Variants in PCDHA2 observed in about 807,000 individuals in gnomAD.
The protein encoded by PCDHA2 is protocadherin alpha-2.
A neutral mutation model predicts 66.0 loss-of-function variants in PCDHA2; 58 were observed. The observed-to-expected ratio is 0.88, with a 90% CI of 0.71 to 1.09. The LOEUF (loss-of-function observed/expected upper bound fraction) is 1.09, where lower values mean the gene tolerates loss of function less well. Among genes scored for constraint, PCDHA2 ranks in the 50% least tolerant of loss-of-function variants. PCDHA2 has a pLI of 0.00. For synonymous variants in PCDHA2, 634 were observed against 554.0 expected (o/e 1.14, Z -2.03); for missense variants, 1,267 against 1,242.3 (o/e 1.02, Z -0.30).
intron 1 of PCDHA2, chr5:140,842,003 C>G: frequency 6.2e-7 from 1 of 1,613,776 alleles, no homozygotes; most frequent in Non-Finnish European, 8.5e-7. Flanking sequence ...CACTGTTCAG[C>G]TGCTGGTCAC....
intron 1 of PCDHA2, among the ~76,000 whole-genome samples, chr5:140,978,010 T>G (rs2096785841): frequency 6.6e-6 from 1 of 152,156 alleles, no homozygotes; most frequent in African/African-American, 2.4e-5. Flanking sequence ...TTTTTCACAG[T>G]GACATTTTTG....
Position 140,807,844 on chromosome 5 carries a change from A to T in PCDHA2, c.2388+10492A>T, listed in dbSNP as rs782535026. ...TGCTCACAGCCACTGATGGAGGCAAACCCGAGTTGACTGGCACCGTTCAGT... is the reference window on the plus strand; with the variant it reads ...TGCTCACAGCCACTGATGGAGGCAATCCCGAGTTGACTGGCACCGTTCAGT... On this transcript the variant is annotated intron_variant, in intron 1 of 3. Transcript: ENST00000526136. 1.5e-5 allele frequency: 24 copies of T among 1,614,148 alleles called. 1 individual carries two copies. In the African/African-American group the frequency reaches 3.1e-4, roughly 21 times the overall value.
intron 1 of PCDHA2, among the ~76,000 whole-genome samples, chr5:140,908,828 A>C (rs1490004627): frequency 6.6e-6 from 1 of 152,176 alleles, no homozygotes; most frequent in Non-Finnish European, 1.5e-5. Context: ...GTTACTCGAT[A>C]AATGGGCTGG....
At chr5:140,822,213 G>A in intron 1 of PCDHA2, 1 of 1,614,222 alleles carries the variant, frequency 6.2e-7, no homozygotes, top group Non-Finnish European at 8.5e-7. Context: ...AGTCAAGAAT[G>A]CCAGATTCGC....
chr5:140,802,931 C>T (rs1166121837), intron 1 of PCDHA2: 6 of 1,613,666 alleles, frequency 3.7e-6, no homozygotes, highest in Admixed American at 3.3e-5. Context: ...GCGCAGTGAG[C>T]GAGCTGGTGC....
In PCDHA2 at chr5:140,871,159, G is replaced by T. The variant is rs781816033; in HGVS notation, c.2388+73807G>T. Reference sequence around the variant, plus strand: ...CTCTTCCCGGACTTTGGCGGGCGCCGCGAGCCCAGAGGCTGCGCTGGTGGA... The same window carrying T: ...CTCTTCCCGGACTTTGGCGGGCGCCTCGAGCCCAGAGGCTGCGCTGGTGGA... On this transcript the variant is annotated intron_variant, in intron 1 of 3. Coordinates refer to ENST00000526136, the MANE Select transcript of PCDHA2 (RefSeq NM_018905.3). The T allele has an allele frequency of 1.6e-5, 26 of 1,613,450 alleles. No individual in the cohort carries two copies. The South Asian group carries it at 2.9e-4, about 18-fold the overall frequency.
intron 1 of PCDHA2, among the ~76,000 whole-genome samples, chr5:140,977,103 G>A (rs1159604551): frequency 6.6e-6 from 1 of 152,230 alleles, no homozygotes; most frequent in Non-Finnish European, 1.5e-5. Context: ...TTGGGGAAGT[G>A]AGATTGTATA....
chr5:140,823,483 G>T (rs782459189), intron 1 of PCDHA2: 3 of 1,613,434 alleles, frequency 1.9e-6, no homozygotes, highest in Non-Finnish European at 1.7e-6. Context: ...GCCTCGAGTG[G>T]GTGGCACCGG....
chr5:140,803,252 C>T (rs1554122674), intron 1 of PCDHA2: 8 of 1,613,866 alleles, frequency 5.0e-6, no homozygotes, highest in Non-Finnish European at 6.8e-6. Context: ...CGTCCGCTGG[C>T]GCCACGGGCC....
chr5:140,857,289 G>A lies in PCDHA2; in HGVS notation c.2388+59937G>A, dbSNP rs782361309. The A allele has an allele frequency of 3.8e-6, 6 of 1,598,692 alleles. No homozygotes were observed. In the South Asian group the frequency reaches 4.4e-5, roughly 12 times the overall value. ...TTGGTGCTGGACAGCGCTCTGGACC[G>A]CGAGAGGGTGTCGGCCTATGAGCTG... On this transcript the variant is annotated intron_variant, in intron 1 of 3. Coordinates refer to ENST00000526136, the MANE Select transcript of PCDHA2 (RefSeq NM_018905.3).
At chr5:140,877,357 G>A in intron 1 of PCDHA2, 2 of 1,614,020 alleles carry the variant, frequency 1.2e-6, no homozygotes, top group African/African-American at 2.7e-5. Flanking sequence ...GCTGTACACT[G>A]GCGAGATCAG....
chr5:140,922,726 C>T lies in PCDHA2; in HGVS notation c.2389-56223C>T, dbSNP rs118091551. On this transcript the variant is annotated intron_variant, in intron 1 of 3. Coordinates refer to ENST00000526136, the MANE Select transcript of PCDHA2 (RefSeq NM_018905.3). ...GTCAAGAACAAAAAGAAACACTTGA[C>T]AAGGTTGAGAAAAATAAATGGAAAA... is the stretch of plus-strand genomic sequence containing the variant. 6.6e-5 allele frequency among the ~76,000 whole-genome samples: 10 copies of T among 152,012 alleles called. No homozygotes were observed. The East Asian group carries it at 1.9e-3, about 29-fold the overall frequency.
intron 1 of PCDHA2, chr5:140,929,052 C>G (rs1379551578): frequency 6.2e-7 from 1 of 1,614,058 alleles, no homozygotes; most frequent in African/African-American, 1.3e-5. Context: ...GCTGCTGTCG[C>G]TCTACAGAGG....
chr5:140,804,302 C>T (rs1217838425), intron 1 of PCDHA2: 6 of 151,992 alleles, frequency 3.9e-5, no homozygotes, highest in African/African-American at 7.2e-5. Flanking sequence ...TAGTTTATCA[C>T]TACTTTATTT....
intron 1 of PCDHA2, among the ~76,000 whole-genome samples, chr5:140,889,484 A>G (rs2062245315): frequency 6.6e-6 from 1 of 152,158 alleles, no homozygotes; most frequent in Admixed American, 6.5e-5. Context: ...TACTTTCTAC[A>G]GAATCTATAG....
chr5:140,909,491 A>G (rs1031839388), intron 1 of PCDHA2, among the ~76,000 whole-genome samples: 5 of 152,218 alleles, frequency 3.3e-5, no homozygotes, highest in Non-Finnish European at 7.3e-5. Context: ...GGAGAGCTGA[A>G]CGGGGATGTG....
intron 3 of PCDHA2, among the ~76,000 whole-genome samples, chr5:140,991,081 AAAATT>A (rs782742337): frequency 6.6e-6 from 1 of 152,236 alleles, no homozygotes. Flanking sequence ...TTCAGATAAA[AAAATT>A]AAAGCTCATA....
chr5:140,996,130 G>A (rs1185857732), intron 3 of PCDHA2, among the ~76,000 whole-genome samples: 2 of 152,162 alleles, frequency 1.3e-5, no homozygotes, highest in African/African-American at 4.8e-5. Flanking sequence ...GGTGTAGAGG[G>A]TTCTCCCATT....
At chr5:140,801,323 C>T (rs782468129) in intron 1 of PCDHA2, 28 of 1,613,308 alleles carry the variant, frequency 1.7e-5, no homozygotes, top group Non-Finnish European at 2.3e-5. Context: ...CCAAGCATGG[C>T]ACCTTCGTGG....
Sources: allele counts gnomAD v4.1 joint callset (sites outside exome capture counted in the v4.1 genomes callset), GRCh38; gene constraint gnomAD v4.1.1; transcripts MANE v1.5; gene names NCBI Gene and HGNC (gene_info 2026-07-23, HGNC 2026-07-21).